The following TAF1 variants were observed in gnomAD, a reference collection of about 807,000 sequenced individuals.
TAF1 encodes TATA-box binding protein associated factor 1.
TAF1 carries 2 observed loss-of-function variants against 138.5 expected under a neutral mutation model. The observed-to-expected ratio is 0.01, with a 90% confidence interval of 0.01 to 0.05. The LOEUF (loss-of-function observed/expected upper bound fraction) is 0.05, where lower values mean the gene tolerates loss of function less well. Among genes scored for constraint, TAF1 ranks in the 10% least tolerant of loss-of-function variants. The pLI, the probability that TAF1 is intolerant of heterozygous loss-of-function variation, is 1.00. For missense variants in TAF1, 709 were observed against 1,478.0 expected (o/e 0.48, Z 8.53); for synonymous variants, 437 against 503.2 (o/e 0.87, Z 1.76).
intron 29 of TAF1, 127 bp from the exon 30 acceptor site, chrX:71,422,990 C>T: frequency 1.1e-6 from 1 of 905,219 alleles, no homozygotes; most frequent in Non-Finnish European, 1.5e-6. Flanking sequence ...GATCCGCCCG[C>T]CTCAGCCTCC....
chrX:71,526,182 A>T (rs1326907843), intron 13 of TAF1, among the ~76,000 whole-genome samples: 1 of 111,797 alleles, frequency 8.9e-6, no homozygotes, highest in East Asian at 2.8e-4. Flanking sequence ...ACTTTATAAA[A>T]ATTTTAATGT....
chrX:71,425,307 C>G (rs2036542776), intron 32 of TAF1, among the ~76,000 whole-genome samples: 1 of 111,504 alleles, frequency 9.0e-6, no homozygotes, highest in African/African-American at 3.3e-5. Context: ...TCAAGTAATT[C>G]ACAATCCAGT....
chrX:71,378,028 G>A, intron 6 of TAF1: 1 of 608,745 alleles, frequency 1.6e-6, no homozygotes, highest in Non-Finnish European at 2.5e-6. Context: ...GCGGGGATGA[G>A]AGGGGTAGAT....
chrX:71,529,758 A>G (rs1338499033), exon 15 of TAF1: 6 of 329,843 alleles, frequency 1.8e-5, no homozygotes, highest in Non-Finnish European at 2.9e-5. Context: ...TTGGATTGGA[A>G]GAATGAACCA....
At chrX:71,456,468 C>T (rs888863936) in intron 34 of TAF1, among the ~76,000 whole-genome samples, 4 of 110,220 alleles carry the variant, frequency 3.6e-5, no homozygotes, top group African/African-American at 1.3e-4. Flanking sequence ...TATCTCTTAA[C>T]CTGAGGAAGG....
intron 13 of TAF1, among the ~76,000 whole-genome samples, chrX:71,506,402 T>G (rs2039627397): frequency 1.0e-5 from 1 of 96,510 alleles, no homozygotes. Flanking sequence ...AAAAAAAAAT[T>G]GGCCAGTCGC....
chrX:71,367,703 C>A, intron 2 of TAF1, 90 bp downstream of exon 2: 1 of 1,040,501 alleles, frequency 9.6e-7, no homozygotes. Flanking sequence ...CGGAGTTTCG[C>A]TCTGTCTCCG....
chrX:71,418,269 T>A (rs2036135110), intron 28 of TAF1, among the ~76,000 whole-genome samples: 1 of 110,487 alleles, frequency 9.1e-6, no homozygotes, highest in Non-Finnish European at 1.9e-5. Flanking sequence ...AATTTTTGAA[T>A]TTTTTTTTGT....
At chrX:71,425,987 C>T (rs966820536) in intron 32 of TAF1, among the ~76,000 whole-genome samples, 4 of 109,295 alleles carry the variant, frequency 3.7e-5, no homozygotes, top group Admixed American at 9.8e-5. Context: ...GGGCTGGGTG[C>T]GGTAGCTCAC....
intron 32 of TAF1, among the ~76,000 whole-genome samples, chrX:71,441,287 A>G (rs769583908): frequency 9.1e-6 from 1 of 110,312 alleles, no homozygotes; most frequent in South Asian, 3.8e-4. Context: ...TTATTAGACT[A>G]CAAAAACATA....
rs765287335 is a variant in TAF1 at position 71,408,038 on chromosome X, G to A, written c.4271G>A (p.Arg1424Gln). ...AAGGACTACTACAAAATCATCACTC[G>A]GCCAATGGACCTACAAACACTCCGC... The part of the protein sequence containing the change: ...VVKDYYKIIT[R>Q]PMDLQTLREN... Residue 1424 changes from arginine to glutamine, a missense_variant, in exon 28 of 38, where the codon CGG (arginine) becomes CAG (glutamine). Physicochemically the swap from Arg to Gln is conservative, Grantham distance 43. Around this residue, in one of 14 missense-constraint regions of TAF1, gnomAD observed 63 missense variants for 163.3 expected, o/e 0.39. Transcript: ENST00000423759. 8.3e-7 allele frequency: 1 copy of A among 1,211,467 alleles called. No homozygotes were observed. The highest frequency in any genetic ancestry group is 3.0e-5 in the East Asian group (1 of 33,819).
chrX:71,455,442 TAA>T lies in TAF1; in HGVS notation c.4938+586_4938+587del, dbSNP rs774898694. Among the ~76,000 whole-genome samples the T allele has an allele frequency of 2.7e-5, 3 of 112,085 alleles. No individual in the cohort carries two copies. The Admixed American group carries it at 2.8e-4, about 11-fold the overall frequency. ...GTCTAACTGAACCCTTGAAATACAC[TAA>T]GAGTATATTTCCTCCATACTGTACT... On this transcript the variant is annotated intron_variant, in intron 34 of 37. Coordinates refer to ENST00000423759, the MANE Select transcript of TAF1 (RefSeq NM_004606.5).
chrX:71,505,467 G>C (rs967207307), intron 13 of TAF1, among the ~76,000 whole-genome samples: 1 of 111,897 alleles, frequency 8.9e-6, no homozygotes, highest in Non-Finnish European at 1.9e-5. Flanking sequence ...TGTATCCTAT[G>C]ATGTGATGAA....
At chrX:71,424,851 C>T (rs958366715) in intron 32 of TAF1, among the ~76,000 whole-genome samples, 2 of 111,727 alleles carry the variant, frequency 1.8e-5, no homozygotes, top group Non-Finnish European at 3.8e-5. Flanking sequence ...TCTCGAATTC[C>T]TGACCTCAGG....
chrX:71,485,549 T>C (rs2039155149), intron 13 of TAF1, among the ~76,000 whole-genome samples: 1 of 111,851 alleles, frequency 8.9e-6, no homozygotes, highest in Non-Finnish European at 1.9e-5. Context: ...TCCTAATGAG[T>C]GTGAAGTGGC....
intron 3 of TAF1, among the ~76,000 whole-genome samples, chrX:71,370,019 G>A (rs889589387): frequency 2.7e-5 from 3 of 110,022 alleles, no homozygotes; most frequent in Non-Finnish European, 3.8e-5. Context: ...GAGGCCAGGA[G>A]TTCGAGACCA....
intron 32 of TAF1, among the ~76,000 whole-genome samples, chrX:71,427,770 C>T: frequency 9.2e-6 from 1 of 108,593 alleles, no homozygotes; most frequent in Middle Eastern, 4.7e-3. Context: ...GAAATCCCAT[C>T]TTTCCTAAAA....
chrX:71,422,233 G>A (rs1228158736), intron 29 of TAF1, among the ~76,000 whole-genome samples: 1 of 111,234 alleles, frequency 9.0e-6, no homozygotes, highest in African/African-American at 3.3e-5. Context: ...TTGACACTCA[G>A]GGAAGTATAA....
At chrX:71,426,715 CAAAA>C (rs972830149) in intron 32 of TAF1, among the ~76,000 whole-genome samples, 1 of 82,779 alleles carries the variant, frequency 1.2e-5, no homozygotes, top group Non-Finnish European at 2.4e-5. Flanking sequence ...AACTCCATCT[CAAAA>C]AAAAAAAAAC....
Sources: gnomAD v4.1 joint callset for allele counts (sites outside exome capture counted in the v4.1 genomes callset) on GRCh38, gnomAD v4.1.1 for gene constraint, gnomAD v4.1.1 regional missense constraint, MANE v1.5 for transcripts, NCBI Gene and HGNC (gene_info 2026-07-23, HGNC 2026-07-21) for gene names.